Variants in DNM2 observed in about 807,000 individuals in gnomAD.
DNM2 encodes dynamin 2, also known as dynamin-2.
Under a neutral mutation model 99.0 loss-of-function variants are expected in DNM2, and 15 were observed. That is an observed-to-expected ratio of 0.15 (90% confidence interval 0.10 to 0.23). DNM2 has a LOEUF of 0.23. Among genes scored for constraint, DNM2 ranks in the 10% least tolerant of loss-of-function variants. The probability of loss-of-function intolerance (pLI) is 1.00; values close to 1 mark genes in which losing one functional copy is unlikely to be tolerated. For synonymous variants in DNM2, 525 were observed against 481.2 expected, an observed-to-expected ratio of 1.09 and a Z score of -1.19; for missense variants, 742 against 1,189.4, an observed-to-expected ratio of 0.62 and a Z score of 5.53.
chr19:10,773,027 T>G (rs892397718), intron 3 of DNM2, among the ~76,000 whole-genome samples: 1 of 149,784 alleles, frequency 6.7e-6, no homozygotes, highest in Non-Finnish European at 1.5e-5. Context: ...TTGCCCAGTC[T>G]GGGGTTCAGT....
At chr19:10,733,972 T>C (rs2069429146) in intron 1 of DNM2, among the ~76,000 whole-genome samples, 4 of 151,138 alleles carry the variant, frequency 2.6e-5, no homozygotes, top group Non-Finnish European at 4.4e-5. Flanking sequence ...CGCGCCACTG[T>C]ACTTCAGCCT....
At chr19:10,726,083 G>A (rs1264435495) in intron 1 of DNM2, among the ~76,000 whole-genome samples, 4 of 151,930 alleles carry the variant, frequency 2.6e-5, no homozygotes, top group Non-Finnish European at 5.9e-5. Context: ...GGTGGGTGTG[G>A]TGGCTCTCAC....
chr19:10,759,454 A>G (rs192290604), intron 1 of DNM2, among the ~76,000 whole-genome samples: 8 of 152,292 alleles, frequency 5.3e-5, no homozygotes, highest in Admixed American at 2.0e-4. Context: ...GAAATTTAAC[A>G]AATACATGCC....
chr19:10,807,188 T>C (rs2072367355), intron 13 of DNM2, among the ~76,000 whole-genome samples: 1 of 152,084 alleles, frequency 6.6e-6, no homozygotes, highest in South Asian at 2.1e-4. Context: ...TTCTCCTGGT[T>C]CAGCCTCCTC....
At chr19:10,785,303 AT>A (rs1014508974) in intron 6 of DNM2, among the ~76,000 whole-genome samples, 1 of 106,020 alleles carries the variant, frequency 9.4e-6, no homozygotes, top group Non-Finnish European at 2.0e-5. Flanking sequence ...TTTTTTTTGT[AT>A]TTTTAGTAGA....
chr19:10,739,462 CTG>C (rs1462364974), intron 1 of DNM2, among the ~76,000 whole-genome samples: 2 of 152,218 alleles, frequency 1.3e-5, no homozygotes, highest in Non-Finnish European at 2.9e-5. Context: ...TCCTTTCTGT[CTG>C]TGAATTTGCC....
At chr19:10,783,925 T>C (rs1359542581) in intron 6 of DNM2, among the ~76,000 whole-genome samples, 1 of 152,056 alleles carries the variant, frequency 6.6e-6, no homozygotes, top group Non-Finnish European at 1.5e-5. Context: ...GGTCTCAAAT[T>C]CTGAGCTCGA....
At chr19:10,777,791 C>T (rs1160961623) in intron 5 of DNM2, among the ~76,000 whole-genome samples, 1 of 152,000 alleles carries the variant, frequency 6.6e-6, no homozygotes, top group Non-Finnish European at 1.5e-5. Flanking sequence ...GACGGGGTTT[C>T]ACTGTGTTGG....
At chr19:10,806,343 G>C (rs2046146720) in intron 13 of DNM2, among the ~76,000 whole-genome samples, 1 of 151,662 alleles carries the variant, frequency 6.6e-6, no homozygotes, top group African/African-American at 2.4e-5. Flanking sequence ...AACATAGAAA[G>C]ACTCTGTCTC....
rs996015515 is a variant in DNM2, at chr19:10,830,580, T to C, written c.2543+202T>C. ...GTGTCACAGAGTAGCGGAGCCCTGG[T>C]GACTCCGGGGCTCCCAGCTTGCCCT... On this transcript the variant is annotated intron_variant, in intron 20 of 20. Transcript: ENST00000389253. This position sits in a 1 kb window ranked among gnomAD's most constrained non-coding sequence, Gnocchi z 4.8. 6 of 681,416 alleles carry C rather than the reference T, an allele frequency of 8.8e-6. No individual in the cohort carries two copies. Among genetic ancestry groups the C allele is most frequent in the Non-Finnish European group, 1.5e-5 (6 of 412,146 alleles). 42.2% of individuals were successfully genotyped at this position (681,416 alleles called of 1,614,324 possible).
Position 10,811,376 on chromosome 19 carries a change from C to T in DNM2, c.1558-888C>T, listed in dbSNP as rs1248200165. The T allele has an allele frequency of 3.7e-6, 1 of 271,614 alleles. No homozygotes were observed. Among genetic ancestry groups the T allele is most frequent in the African/African-American group, 2.3e-5 (1 of 44,330 alleles). The allele number at this position is 271,614 out of a possible 1,614,324, so 16.8% of individuals were successfully genotyped here. A position where few individuals can be genotyped will look rare whatever the true frequency, so the allele number is the denominator to read the frequency against. On this transcript the variant is annotated intron_variant, in intron 14 of 20. Transcript: ENST00000389253. This position sits in a 1 kb window ranked among gnomAD's most constrained non-coding sequence, Gnocchi z 5.4. ...ACAGCATCTGGGCCCCAGAGGGATTCCTGGAGGCCCCATCTCTGGCGCTCC... is the reference window on the plus strand; with the variant it reads ...ACAGCATCTGGGCCCCAGAGGGATTTCTGGAGGCCCCATCTCTGGCGCTCC...
intron 16 of DNM2, chr19:10,823,578 CAAAG>C: frequency 3.5e-6 from 2 of 575,000 alleles, no homozygotes; most frequent in South Asian, 4.1e-5. Flanking sequence ...CCAACAGAAA[CAAAG>C]AAACTCAGAC....
At chr19:10,825,812 C>T (rs1650936374) in intron 18 of DNM2, among the ~76,000 whole-genome samples, 1 of 149,802 alleles carries the variant, frequency 6.7e-6, no homozygotes, top group South Asian at 2.1e-4. Context: ...CAAGATCGTG[C>T]CACTGCACTC....
intron 1 of DNM2, among the ~76,000 whole-genome samples, chr19:10,754,528 G>A (rs528343909): frequency 6.6e-6 from 1 of 152,156 alleles, no homozygotes; most frequent in African/African-American, 2.4e-5. Context: ...TGGGATTATA[G>A]GCGTGACCCA....
chr19:10,742,748 G>A (rs2069800687), intron 1 of DNM2, among the ~76,000 whole-genome samples: 1 of 152,058 alleles, frequency 6.6e-6, no homozygotes, highest in African/African-American at 2.4e-5. Context: ...TTGGTCAGGA[G>A]GGCTGCTCTT....
chr19:10,769,686 C>T (rs2070914087), intron 2 of DNM2, among the ~76,000 whole-genome samples: 1 of 151,774 alleles, frequency 6.6e-6, no homozygotes, highest in Admixed American at 6.6e-5. Flanking sequence ...CCGAGTGTTT[C>T]CCCTTGTCCC....
Position 10,772,588 on chromosome 19 carries a change from C to T in DNM2, c.345C>T (p.Ile115=), listed in dbSNP as rs753176358. 1 of 1,614,220 alleles carries T rather than the reference C, an allele frequency of 6.2e-7. No homozygotes were observed. The highest frequency in any genetic ancestry group is 1.1e-5 in the South Asian group (1 of 91,086). Residue 115 remains isoleucine, a synonymous_variant, in exon 3 of 21, where the codon ATC becomes ATT. Transcript: ENST00000389253. This position sits in a 1 kb window ranked among gnomAD's most constrained non-coding sequence, Gnocchi z 4.9. Reference sequence around the variant, plus strand: ...GGGTCACGGGGACCAACAAAGGCATCTCCCCAGTGCCCATCAACCTTCGAG... The same window carrying T: ...GGGTCACGGGGACCAACAAAGGCATTTCCCCAGTGCCCATCAACCTTCGAG... ...TDRVTGTNKG[I]SPVPINLRVY...
intron 6 of DNM2, among the ~76,000 whole-genome samples, chr19:10,785,422 G>C (rs918471066): frequency 6.6e-6 from 1 of 151,612 alleles, no homozygotes; most frequent in South Asian, 2.1e-4. Context: ...CACTGCCCCC[G>C]GCCCATGCCC....
Position 10,831,523 on chromosome 19 carries a change from C to T in DNM2, c.*476C>T, listed in dbSNP as rs955268952. 3.0e-6 allele frequency: 3 copies of T among 987,096 alleles called. No individual in the cohort carries two copies. Among genetic ancestry groups the T allele is most frequent in the Non-Finnish European group, 3.6e-6 (3 of 830,824 alleles). The allele number at this position is 987,096 out of a possible 1,614,324, so 61.1% of individuals were successfully genotyped here. A position where few individuals can be genotyped will look rare whatever the true frequency, so the allele number is the denominator to read the frequency against. Reference sequence around the variant, plus strand: ...AGCGGCAAGCCTGGCCCAGTGGGCTCGGTAGTGCCCAGCTGGCAGGCCTGA... The same window carrying T: ...AGCGGCAAGCCTGGCCCAGTGGGCTTGGTAGTGCCCAGCTGGCAGGCCTGA... On this transcript the variant is annotated 3_prime_UTR_variant, in exon 21 of 21. Coordinates refer to ENST00000389253, the MANE Select transcript of DNM2 (RefSeq NM_001005361.3). The surrounding 1 kb of genome is among the most constrained non-coding windows in gnomAD (Gnocchi z 4.3).
Sources: gnomAD v4.1 joint callset for allele counts (sites outside exome capture counted in the v4.1 genomes callset) on GRCh38, gnomAD v4.1.1 for gene constraint, Gnocchi (gnomAD v3.1) non-coding constraint, MANE v1.5 for transcripts, NCBI Gene and HGNC (gene_info 2026-07-23, HGNC 2026-07-21) for gene names.